PRKN: variants seen among roughly 807,000 people sequenced by gnomAD.
PRKN encodes the protein E3 ubiquitin-protein ligase parkin.
Under a neutral mutation model 59.5 loss-of-function variants are expected in PRKN, and 56 were observed. The observed-to-expected ratio is 0.94, with a 90% confidence interval of 0.76 to 1.18. The LOEUF (loss-of-function observed/expected upper bound fraction) is 1.18, where lower values mean the gene tolerates loss of function less well. Among genes scored for constraint, PRKN ranks in the 50% most tolerant of loss-of-function variants. PRKN has a pLI of 0.00. For missense variants in PRKN, 657 were observed against 596.4 expected, an observed-to-expected ratio of 1.10 and a Z score of -1.06; for synonymous variants, 250 against 222.1, an observed-to-expected ratio of 1.13 and a Z score of -1.12.
intron 2 of PRKN, among the ~76,000 whole-genome samples, chr6:162,388,960 G>A (rs1787006709): frequency 7.6e-6 from 1 of 131,116 alleles, no homozygotes; most frequent in African/African-American, 2.9e-5. Context: ...GACACTTTTT[G>A]TCCCCAACAC....
At chr6:161,496,680 A>G (rs1777763231) in intron 9 of PRKN, among the ~76,000 whole-genome samples, 1 of 152,186 alleles carries the variant, frequency 6.6e-6, no homozygotes, top group Non-Finnish European at 1.5e-5. Flanking sequence ...ATTACAATTT[A>G]AGGGATATTT....
intron 6 of PRKN, among the ~76,000 whole-genome samples, chr6:161,969,642 G>A (rs1358996942): frequency 1.3e-5 from 2 of 152,134 alleles, no homozygotes; most frequent in African/African-American, 4.8e-5. Flanking sequence ...CTGACCAGGA[G>A]GGAGTCTGTT....
At chr6:161,737,651 C>T (rs956510458) in intron 7 of PRKN, among the ~76,000 whole-genome samples, 1 of 152,100 alleles carries the variant, frequency 6.6e-6, no homozygotes, top group African/African-American at 2.4e-5. Context: ...GTAAGTGAAG[C>T]CCAGCAAGAT....
chr6:162,420,005 A>G (rs551831227), intron 2 of PRKN, among the ~76,000 whole-genome samples: 1 of 152,266 alleles, frequency 6.6e-6, no homozygotes, highest in Admixed American at 6.5e-5. Context: ...CACAGACTGG[A>G]GCAGGGAGAT....
intron 5 of PRKN, among the ~76,000 whole-genome samples, chr6:162,008,484 T>C (rs11963977): frequency 0.016 from 2,496 of 152,228 alleles, 74 homozygotes; most frequent in African/African-American, 0.057. Flanking sequence ...GAACAGTGTA[T>C]CGAAATGCAT....
chr6:162,255,097 T>TAAAA (rs1348447706), intron 3 of PRKN, among the ~76,000 whole-genome samples: 3 of 143,980 alleles, frequency 2.1e-5, no homozygotes, highest in Non-Finnish European at 4.6e-5. Flanking sequence ...TAAAATAAAA[T>TAAAA]AAAATAAAAT....
In PRKN at chr6:161,357,836, C is replaced by T. The variant is rs1161257457; in HGVS notation, c.1285+2252G>A. ...TCCACACGAATCAGAGCACGTCTCA[C>T]GGAGCGTGTTTGATGCACCGTCTCT... is the stretch of plus-strand genomic sequence containing the variant. On this transcript the variant is annotated intron_variant, in intron 11 of 11. Coordinates refer to ENST00000366898, the MANE Select transcript of PRKN (RefSeq NM_004562.3). This position sits in a 1 kb window ranked among gnomAD's most constrained non-coding sequence, Gnocchi z 5.5. Among the ~76,000 whole-genome samples the T allele has an allele frequency of 9.2e-5, 14 of 152,336 alleles. No homozygotes were observed. The highest frequency in any genetic ancestry group is 3.9e-4 in the Admixed American group (6 of 15,304).
chr6:162,046,739 A>C (rs1484769948), intron 5 of PRKN, among the ~76,000 whole-genome samples: 1 of 152,240 alleles, frequency 6.6e-6, no homozygotes, highest in African/African-American at 2.4e-5. Context: ...GTTATCTCAC[A>C]GAAAAAGGAG....
Position 161,533,140 on chromosome 6 carries a change from T to A in PRKN, c.1083+15714A>T, listed in dbSNP as rs1779285660. 6.6e-6 allele frequency among the ~76,000 whole-genome samples: 1 copy of A among 152,102 alleles called. No homozygotes were observed. Among genetic ancestry groups the A allele is most frequent in the Non-Finnish European group, 1.5e-5 (1 of 68,026 alleles). On this transcript the variant is annotated intron_variant, in intron 9 of 11. Coordinates refer to ENST00000366898, the MANE Select transcript of PRKN (RefSeq NM_004562.3). This position sits in a 1 kb window ranked among gnomAD's most constrained non-coding sequence, Gnocchi z 4.1. Reference sequence around the variant, plus strand: ...GGTTATGAATTCAATTTCTAAATAATCTCTAAAATAAAAGAATGATCTAAA... The same window carrying A: ...GGTTATGAATTCAATTTCTAAATAAACTCTAAAATAAAAGAATGATCTAAA...
chr6:162,241,432 G>A (rs898577381), intron 3 of PRKN, among the ~76,000 whole-genome samples: 4 of 152,048 alleles, frequency 2.6e-5, no homozygotes, highest in African/African-American at 9.7e-5. Flanking sequence ...AAAGTGTAAT[G>A]AGTTCAAGTA....
chr6:161,955,864 A>G (rs1780152059), intron 6 of PRKN, among the ~76,000 whole-genome samples: 1 of 152,230 alleles, frequency 6.6e-6, no homozygotes, highest in South Asian at 2.1e-4. Context: ...AAATAAAAAT[A>G]AATAAATAAA....
At chr6:161,769,063 G>GTTTTACA (rs1267724003) in intron 7 of PRKN, among the ~76,000 whole-genome samples, 4 of 152,242 alleles carry the variant, frequency 2.6e-5, no homozygotes, top group African/African-American at 9.6e-5. Flanking sequence ...TTTATGGAAC[G>GTTTTACA]TTTTACATTT....
At chr6:161,800,261 G>C (rs1490199847) in intron 6 of PRKN, among the ~76,000 whole-genome samples, 1 of 152,040 alleles carries the variant, frequency 6.6e-6, no homozygotes, top group Non-Finnish European at 1.5e-5. Flanking sequence ...ATATGTTTGG[G>C]GCAATCGAGT....
In PRKN at chr6:161,497,049, G is replaced by A. The variant is rs1354097312; in HGVS notation, c.1083+51805C>T. Among the ~76,000 whole-genome samples the A allele has an allele frequency of 6.6e-6, 1 of 152,196 alleles. No homozygotes were observed. Among genetic ancestry groups the A allele is most frequent in the Non-Finnish European group, 1.5e-5 (1 of 68,026 alleles). On this transcript the variant is annotated intron_variant, in intron 9 of 11. Transcript: ENST00000366898. The surrounding 1 kb of genome is among the most constrained non-coding windows in gnomAD (Gnocchi z 4.6). Reference sequence around the variant, plus strand: ...CAGCCCTAGGAGCAAATACATCAAGGCAGAAAACCCGTCACAAACCTGCTG... The same window carrying A: ...CAGCCCTAGGAGCAAATACATCAAGACAGAAAACCCGTCACAAACCTGCTG...
chr6:162,137,336 G>T (rs1315508055), intron 4 of PRKN, among the ~76,000 whole-genome samples: 1 of 152,096 alleles, frequency 6.6e-6, no homozygotes, highest in Non-Finnish European at 1.5e-5. Context: ...TTTATAAAAT[G>T]GAGGCAATAT....
chr6:162,107,890 A>G (rs1277858962), intron 4 of PRKN, among the ~76,000 whole-genome samples: 1 of 152,212 alleles, frequency 6.6e-6, no homozygotes, highest in Non-Finnish European at 1.5e-5. Flanking sequence ...CTCTAAATGA[A>G]AACCCCATAG....
intron 2 of PRKN, among the ~76,000 whole-genome samples, chr6:162,417,240 C>A (rs1457262065): frequency 6.6e-6 from 1 of 152,076 alleles, no homozygotes; most frequent in Non-Finnish European, 1.5e-5. Flanking sequence ...TTCAAAAGTG[C>A]AAAAGGAAAC....
rs913607638 is a variant in PRKN at position 162,402,732 on chromosome 6, C to T, written c.171+40578G>A. 3.1e-4 allele frequency among the ~76,000 whole-genome samples: 47 copies of T among 151,282 alleles called. 1 individual carries two copies. The highest frequency in any genetic ancestry group is 6.3e-4 in the Non-Finnish European group (43 of 67,858). ...GTACAGTGGTGTGATCACAGCTCAC[C>T]GAAGCCTGAAGCCTCAAACTCTTGG... is the stretch of plus-strand genomic sequence containing the variant. On this transcript the variant is annotated intron_variant, in intron 2 of 11. Transcript: ENST00000366898.
chr6:161,698,940 T>C (rs1786134676), intron 7 of PRKN, among the ~76,000 whole-genome samples: 1 of 152,094 alleles, frequency 6.6e-6, no homozygotes, highest in Admixed American at 6.6e-5. Flanking sequence ...AAGACACTAT[T>C]AAAAGACTGA....
Sources: gnomAD v4.1 joint callset for allele counts (sites outside exome capture counted in the v4.1 genomes callset) on GRCh38, gnomAD v4.1.1 for gene constraint, Gnocchi (gnomAD v3.1) non-coding constraint, MANE v1.5 for transcripts, NCBI Gene and HGNC (gene_info 2026-07-23, HGNC 2026-07-21) for gene names.